PRCC: variants seen among roughly 807,000 people sequenced by gnomAD.
The protein encoded by PRCC is proline rich mitotic checkpoint control factor, also known as proline-rich protein PRCC.
A neutral mutation model predicts 44.0 loss-of-function variants in PRCC; 10 were observed. The ratio of observed to expected loss-of-function variants is 0.23; its 90% CI spans 0.14 to 0.39. PRCC has a LOEUF of 0.39. PRCC is among the 10% of genes least tolerant of loss of function. The pLI is 1.00. For missense variants in PRCC, 573 were observed against 624.7 expected, an observed-to-expected ratio of 0.92 and a Z score of 0.88; for synonymous variants, 278 against 259.5, an observed-to-expected ratio of 1.07 and a Z score of -0.69.
chr1:156,787,337 A>G (rs1216819545), intron 3 of PRCC, among the ~76,000 whole-genome samples, 163 bp downstream of exon 3: 2 of 152,012 alleles, frequency 1.3e-5, no homozygotes, highest in Admixed American at 1.3e-4. Context: ...ATATTAATCT[A>G]AATTGCCCAA....
In PRCC at chr1:156,767,699, T is replaced by C; in HGVS notation, c.-73T>C. On this transcript the variant is annotated 5_prime_UTR_variant, in exon 1 of 7. Transcript: ENST00000271526. Reference sequence around the variant, plus strand: ...CGCCCCGCCAGGTGGCGGGGCCTACTAGGCCTCCGGGCATCCCCGGTCTCA... The same window carrying C: ...CGCCCCGCCAGGTGGCGGGGCCTACCAGGCCTCCGGGCATCCCCGGTCTCA... The C allele has an allele frequency of 6.9e-7, 1 of 1,451,830 alleles. No homozygotes were observed. Among genetic ancestry groups the C allele is most frequent in the South Asian group, 1.4e-5 (1 of 71,782 alleles). The allele number at this position is 1,451,830 out of a possible 1,614,324, so 89.9% of individuals were successfully genotyped here.
At chr1:156,770,469 G>T (rs1420977943) in intron 1 of PRCC, among the ~76,000 whole-genome samples, 1 of 152,222 alleles carries the variant, frequency 6.6e-6, no homozygotes, top group East Asian at 1.9e-4. Context: ...CCGCCTCCAG[G>T]GTTCAAGCGA....
At chr1:156,795,613 A>G (rs1166764333) in intron 5 of PRCC, among the ~76,000 whole-genome samples, 1 of 152,074 alleles carries the variant, frequency 6.6e-6, no homozygotes, top group Admixed American at 6.5e-5. Context: ...TCAAGCTGGG[A>G]CCTGGCTCAG....
chr1:156,774,416 G>T (rs1192078581), intron 1 of PRCC, among the ~76,000 whole-genome samples: 1 of 151,370 alleles, frequency 6.6e-6, no homozygotes, highest in Non-Finnish European at 1.5e-5. Flanking sequence ...CTCGTGATCC[G>T]CCCGTCTCGG....
intron 6 of PRCC, 98 bp downstream of exon 6, chr1:156,797,439 T>C (rs1652694619): frequency 1.4e-6 from 2 of 1,413,448 alleles, no homozygotes; most frequent in South Asian, 1.2e-5. Context: ...GCTTATCTTT[T>C]AGCAGCCCAT....
Position 156,767,722 on chromosome 1 carries a change from TCAAGTAGGCCTCATCTGCCGG to T in PRCC, c.-45_-25del. The T allele has an allele frequency of 6.6e-7, 1 of 1,517,878 alleles. No individual in the cohort carries two copies. The highest frequency in any genetic ancestry group is 1.2e-5 in the South Asian group (1 of 80,076). The allele number at this position is 1,517,878 out of a possible 1,614,324, so 94.0% of individuals were successfully genotyped here. A position where few individuals can be genotyped will look rare whatever the true frequency, so the allele number is the denominator to read the frequency against. On this transcript the variant is annotated 5_prime_UTR_variant, in exon 1 of 7. Transcript: ENST00000271526. ...ACTAGGCCTCCGGGCATCCCCGGTCTCAAGTAGGCCTCATCTGCCGGCAAGGGCGCCCGAAACGCGGGAGGC... is the reference window on the plus strand; with the variant it reads ...ACTAGGCCTCCGGGCATCCCCGGTCTCAAGGGCGCCCGAAACGCGGGAGGC...
At chr1:156,784,149 G>A (rs577458370) in intron 2 of PRCC, among the ~76,000 whole-genome samples, 8 of 152,120 alleles carry the variant, frequency 5.3e-5, no homozygotes, top group South Asian at 4.2e-4. Flanking sequence ...GGGTTTCACC[G>A]TGTTAGCCAG....
chr1:156,784,001 C>T (rs1365458689), intron 2 of PRCC, among the ~76,000 whole-genome samples: 2 of 150,914 alleles, frequency 1.3e-5, no homozygotes, highest in Admixed American at 6.6e-5. Context: ...GGCTGGAGTG[C>T]AGTGGTGCGA....
intron 1 of PRCC, among the ~76,000 whole-genome samples, chr1:156,780,434 T>A (rs1048510873): frequency 6.6e-6 from 1 of 151,316 alleles, no homozygotes; most frequent in African/African-American, 2.4e-5. Flanking sequence ...GATTTATTTT[T>A]ATTTTAAATT....
chr1:156,799,494 T>C (rs569618092), intron 6 of PRCC, among the ~76,000 whole-genome samples: 2 of 152,360 alleles, frequency 1.3e-5, no homozygotes, highest in Non-Finnish European at 2.9e-5. Flanking sequence ...TAAGACCCTT[T>C]CCTGGCCCCT....
chr1:156,772,662 G>A (rs1340977101), intron 1 of PRCC, among the ~76,000 whole-genome samples: 2 of 152,208 alleles, frequency 1.3e-5, no homozygotes, highest in Non-Finnish European at 2.9e-5. Flanking sequence ...ACCACTTTCA[G>A]ATTGTTTACC....
intron 6 of PRCC, among the ~76,000 whole-genome samples, chr1:156,799,159 A>G (rs1652763177): frequency 6.6e-6 from 1 of 152,186 alleles, no homozygotes; most frequent in African/African-American, 2.4e-5. Flanking sequence ...GTGTGTGTAC[A>G]TTTTGATAAA....
At chr1:156,779,519 C>A (rs1651970615) in intron 1 of PRCC, among the ~76,000 whole-genome samples, 1 of 80,228 alleles carries the variant, frequency 1.2e-5, no homozygotes, top group South Asian at 5.6e-4. Flanking sequence ...GCAAAGGTGC[C>A]CGCCATCATG....
intron 1 of PRCC, among the ~76,000 whole-genome samples, chr1:156,774,592 C>A (rs1651752875): frequency 6.6e-6 from 1 of 151,860 alleles, no homozygotes; most frequent in Non-Finnish European, 1.5e-5. Flanking sequence ...GCTCAAGCAA[C>A]CCTGCTGCCT....
chr1:156,791,827 C>T (rs200344732), intron 4 of PRCC, 35 bp downstream of exon 4: 31 of 1,544,476 alleles, frequency 2.0e-5, no homozygotes, highest in Middle Eastern at 1.7e-4. Context: ...CATCTTTGAC[C>T]GCTGGGCACC....
At chr1:156,770,828 A>G (rs544556003) in intron 1 of PRCC, among the ~76,000 whole-genome samples, 1 of 152,364 alleles carries the variant, frequency 6.6e-6, no homozygotes, top group Admixed American at 6.5e-5. Context: ...GTGCTGAAGT[A>G]GAAGTAATTA....
At chr1:156,797,084 GT>G (rs946342075) in intron 5 of PRCC, 191 bp from the exon 6 acceptor site, 3 of 593,884 alleles carry the variant, frequency 5.1e-6, no homozygotes, top group Admixed American at 6.1e-5. Context: ...TCTGAGCTGG[GT>G]TTTTTGTATA....
chr1:156,785,993 A>G (rs3765785), intron 2 of PRCC, among the ~76,000 whole-genome samples: 127,372 of 151,784 alleles, frequency 0.84, 54,931 homozygotes, highest in Non-Finnish European at 0.94. Context: ...TGTATTTTTA[A>G]TAGAGACGGG....
intron 4 of PRCC, among the ~76,000 whole-genome samples, chr1:156,792,501 A>G (rs552538500): frequency 3.9e-5 from 6 of 152,120 alleles, no homozygotes; most frequent in Admixed American, 3.9e-4. Context: ...AGGCTGGAGT[A>G]TGGTGGCACG....
Sources: allele counts gnomAD v4.1 joint callset (sites outside exome capture counted in the v4.1 genomes callset), GRCh38; gene constraint gnomAD v4.1.1; transcripts MANE v1.5; gene names NCBI Gene and HGNC (gene_info 2026-07-23, HGNC 2026-07-21).